The following LRP3 variants were observed in gnomAD, a reference collection of about 807,000 sequenced individuals.
LRP3 encodes the protein LDL receptor related protein 3.
Under a neutral mutation model 58.5 loss-of-function variants are expected in LRP3, and 49 were observed. That is an observed-to-expected ratio of 0.84 (90% CI 0.67 to 1.06). LRP3 has a LOEUF of 1.06. Ranked by LOEUF, LRP3 falls within the 50% of genes least tolerant of loss-of-function variation. The pLI is 0.00. For synonymous variants in LRP3, 485 were observed against 492.2 expected, an observed-to-expected ratio of 0.99 and a Z score of 0.20; for missense variants, 1,019 against 1,134.2, an observed-to-expected ratio of 0.90 and a Z score of 1.46.
At chr19:33,198,171 C>T (rs1974304982) in intron 2 of LRP3, among the ~76,000 whole-genome samples, 1 of 152,194 alleles carries the variant, frequency 6.6e-6, no homozygotes, top group Non-Finnish European at 1.5e-5. Context: ...GGGTGTGTCA[C>T]CCCAAATGTG....
At chr19:33,206,849 C>A in intron 6 of LRP3, 116 bp downstream of exon 6, 2 of 1,284,642 alleles carry the variant, frequency 1.6e-6, no homozygotes. Flanking sequence ...GACCTGAGGG[C>A]CCATGGCCAG....
At chr19:33,203,096 CAT>C (rs1266308073) in intron 3 of LRP3, 110 bp downstream of exon 3, 31 of 1,322,882 alleles carry the variant, frequency 2.3e-5, no homozygotes, top group Non-Finnish European at 3.1e-5. Context: ...TGAGGGTGTA[CAT>C]GTGTGTGAGC....
At position 33,205,167 on chromosome 19, in the gene LRP3, G is replaced by A. The variant is rs760604412; in HGVS notation, c.476-79G>A. 1.8e-4 allele frequency: 274 copies of A among 1,482,356 alleles called. 1 individual carries two copies. The highest frequency in any genetic ancestry group is 2.4e-4 in the Non-Finnish European group (264 of 1,090,468). 91.8% of individuals were successfully genotyped at this position (1,482,356 alleles called of 1,614,324 possible). A position where few individuals can be genotyped will look rare whatever the true frequency, so the allele number is the denominator to read the frequency against. ...CACAGTGATGGGGAACCACCTGCCC[G>A]CTTTTGGCCCCAGGCCCCCTGGCCG... is the stretch of plus-strand genomic sequence containing the variant. On this transcript the variant is annotated intron_variant, in intron 4 of 6. Transcript: ENST00000253193.
In LRP3 at chr19:33,205,308, C is replaced by T; in HGVS notation, c.538C>T (p.Pro180Ser). Residue 180 changes from proline to serine, a missense_variant, in exon 5 of 7, where the codon CCC becomes TCC. By Grantham distance (74) the Pro-to-Ser change is moderately conservative. Transcript: ENST00000253193. ...CCGCTGTGACAACGGCAAGTGCCTG[C>T]CCGGCCCGTGGCAGTGCAACACGGT... ...EFRCDNGKCLPGPWQCNTVDE... is the reference protein window; with the variant it reads ...EFRCDNGKCLSGPWQCNTVDE... The T allele has an allele frequency of 6.2e-7, 1 of 1,611,778 alleles. No individual in the cohort carries two copies. Among genetic ancestry groups the T allele is most frequent in the Non-Finnish European group, 8.5e-7 (1 of 1,179,472 alleles).
chr19:33,199,850 A>G (rs892265623), intron 2 of LRP3, among the ~76,000 whole-genome samples: 38 of 152,176 alleles, frequency 2.5e-4, no homozygotes, highest in African/African-American at 9.2e-4. Flanking sequence ...GAAGAGAGAA[A>G]GGTGGCAGGT....
rs113839017 is a variant in LRP3, at chr19:33,205,691, C to T, written c.921C>T (p.Tyr307=). 9,257 of 1,606,964 alleles carry T rather than the reference C, an allele frequency of 5.8e-3. 39 individuals carry two copies. Among genetic ancestry groups the T allele is most frequent in the Middle Eastern group, 0.025 (150 of 6,048 alleles). ...QLELRLGYDD[Y]VQVYEGLGER... ...AACTGCGGCTGGGCTATGACGACTA[C>T]GTGCAGGTATACGAGGGCCTGGGCG... Residue 307 remains tyrosine (Y), a synonymous_variant, in exon 5 of 7, where the codon TAC becomes TAT. Coordinates refer to ENST00000253193, the MANE Select transcript of LRP3 (RefSeq NM_002333.4).
chr19:33,205,529 G>A lies in LRP3; in HGVS notation c.759G>A (p.Ala253=), dbSNP rs1334997844. 2.5e-5 allele frequency: 39 copies of A among 1,570,564 alleles called. No homozygotes were observed. The highest frequency in any genetic ancestry group is 3.4e-4 in the Middle Eastern group (2 of 5,948). Residue 253 remains alanine, a synonymous_variant, in exon 5 of 7, where the codon GCG becomes GCA. Coordinates refer to ENST00000253193, the MANE Select transcript of LRP3 (RefSeq NM_002333.4). The part of the protein sequence containing the change: ...GSDEAGCPDL[A]CGRRLGSFYG... ...ATGAGGCGGGCTGCCCCGACCTGGC[G>A]TGCGGCCGGCGGCTGGGCAGCTTCT...
Position 33,205,729 on chromosome 19 carries a change from G to A in LRP3, c.959G>A (p.Arg320His), listed in dbSNP as rs774930417. ...GAGGGCCTGGGCGAGCGCGGGGACC[G>A]CCTGCTGCAGACGCTGTCCTACCGC... The part of the protein sequence containing the change: ...VYEGLGERGD[R>H]LLQTLSYRSN... The change falls in exon 5 of 7, where the codon CGC (arginine) becomes CAC (histidine). Residue 320 changes from arginine (R) to histidine (H), a missense_variant. Arg to His is a conservative substitution (Grantham distance 29, BLOSUM62 0). Transcript: ENST00000253193. 1.1e-5 allele frequency: 18 copies of A among 1,597,838 alleles called. No individual in the cohort carries two copies. The African/African-American group carries it at 1.2e-4, about 11-fold the overall frequency.
rs1835619275 is a variant in LRP3 at position 33,206,604 on chromosome 19, C to G, written c.1596C>G (p.Ala532=). The change falls in exon 6 of 7, where the codon GCC becomes GCG. Residue 532 remains alanine, a synonymous_variant. Coordinates refer to ENST00000253193, the MANE Select transcript of LRP3 (RefSeq NM_002333.4). ...GCCCTCCGCCCACTGCTTCTAGGGC[C>G]TTCGAGACCCAGATGACGCGCCTGG... The part of the protein sequence containing the change: ...LYSLRTQEYR[A]FETQMTRLEA... The G allele has an allele frequency of 6.2e-7, 1 of 1,608,228 alleles. No homozygotes were observed. The highest frequency in any genetic ancestry group is 8.5e-7 in the Non-Finnish European group (1 of 1,176,932).
Position 33,205,970 on chromosome 19 carries a change from C to T in LRP3, c.1200C>T (p.Gly400=). 1 of 1,581,896 alleles carries T rather than the reference C, an allele frequency of 6.3e-7. No homozygotes were observed. The highest frequency in any genetic ancestry group is 1.8e-5 in the Admixed American group (1 of 55,374). The stretch of plus-strand genomic sequence containing the variant: ...TCTCAGAGCCACAGCGCTGTGATGG[C>T]TGGTGGCATTGTGCCAGCGGCCGAG... ...GCFSEPQRCD[G]WWHCASGRDE... Residue 400 remains glycine, a synonymous_variant, in exon 5 of 7, where the codon GGC becomes GGT. Coordinates refer to ENST00000253193, the MANE Select transcript of LRP3 (RefSeq NM_002333.4).
At position 33,207,836 on chromosome 19, in the gene LRP3, A is replaced by C. The variant is rs1223936073; in HGVS notation, c.*261A>C. 2 of 519,256 alleles carry C rather than the reference A, an allele frequency of 3.9e-6. No homozygotes were observed. The highest frequency in any genetic ancestry group is 2.6e-5 in the South Asian group (1 of 38,824). 32.2% of individuals were successfully genotyped at this position (519,256 alleles called of 1,614,324 possible). A position where few individuals can be genotyped will look rare whatever the true frequency, so the allele number is the denominator to read the frequency against. On this transcript the variant is annotated 3_prime_UTR_variant, in exon 7 of 7. Coordinates refer to ENST00000253193, the MANE Select transcript of LRP3 (RefSeq NM_002333.4). ...CCTGGGGTCTCACTTCTCTCCCCCC[A>C]CTCCATTCTGGGAACCCATTTCCAG...
intron 1 of LRP3, among the ~76,000 whole-genome samples, chr19:33,195,553 G>A (rs1391950441): frequency 6.6e-6 from 1 of 152,230 alleles, no homozygotes; most frequent in African/African-American, 2.4e-5. Flanking sequence ...TGTGATGAAG[G>A]AGGGAGGCCA....
At chr19:33,196,892 T>C in intron 2 of LRP3, 115 bp downstream of exon 2, 2 of 950,228 alleles carry the variant, frequency 2.1e-6, no homozygotes, top group Non-Finnish European at 3.4e-6. Context: ...GTGCATCTTT[T>C]CTACATCACA....
In LRP3 at chr19:33,208,468, G is replaced by A. The variant is rs1337653486; in HGVS notation, c.*893G>A. On this transcript the variant is annotated 3_prime_UTR_variant, in exon 7 of 7. Transcript: ENST00000253193. The surrounding 1 kb of genome is among the most constrained non-coding windows in gnomAD (Gnocchi z 4.7). The stretch of plus-strand genomic sequence containing the variant: ...CGGACTGAGCTGCTACCCCATCCTC[G>A]ACATCCCTTTAGGGCAGGGGGACTC... 2 of 260,760 alleles carry A rather than the reference G, an allele frequency of 7.7e-6. No individual in the cohort carries two copies. The highest frequency in any genetic ancestry group is 4.2e-5 in the South Asian group (1 of 23,978). 16.2% of individuals were successfully genotyped at this position (260,760 alleles called of 1,614,324 possible). A position where few individuals can be genotyped will look rare whatever the true frequency, so the allele number is the denominator to read the frequency against.
At position 33,208,742 on chromosome 19, in the gene LRP3, CATTTTAGGGCTTCCTTAA is replaced by C; in HGVS notation, c.*1169_*1186del. The C allele has an allele frequency of 1.0e-6, 1 of 978,034 alleles. No individual in the cohort carries two copies. Among genetic ancestry groups the C allele is most frequent in the Non-Finnish European group, 1.5e-6 (1 of 675,846 alleles). The allele number at this position is 978,034 out of a possible 1,614,324, so 60.6% of individuals were successfully genotyped here. A position where few individuals can be genotyped will look rare whatever the true frequency, so the allele number is the denominator to read the frequency against. On this transcript the variant is annotated 3_prime_UTR_variant, in exon 7 of 7. Transcript: ENST00000253193. This position sits in a 1 kb window ranked among gnomAD's most constrained non-coding sequence, Gnocchi z 4.7. ...GTGCTAAGACAGGAAACCCAGTCCA[CATTTTAGGGCTTCCTTAA>C]ACAGGCTTCTGAGAGTCGTATCTTT... is the stretch of plus-strand genomic sequence containing the variant.
At position 33,208,780 on chromosome 19, in the gene LRP3, A is replaced by G; in HGVS notation, c.*1205A>G. On this transcript the variant is annotated 3_prime_UTR_variant, in exon 7 of 7. Coordinates refer to ENST00000253193, the MANE Select transcript of LRP3 (RefSeq NM_002333.4). This position sits in a 1 kb window ranked among gnomAD's most constrained non-coding sequence, Gnocchi z 4.7. Reference sequence around the variant, plus strand: ...CCTTAAACAGGCTTCTGAGAGTCGTATCTTTTTTCTTTTTTTTCCAGAAAA... The same window carrying G: ...CCTTAAACAGGCTTCTGAGAGTCGTGTCTTTTTTCTTTTTTTTCCAGAAAA... 6.9e-7 allele frequency: 1 copy of G among 1,447,804 alleles called. No individual in the cohort carries two copies. The highest frequency in any genetic ancestry group is 9.5e-7 in the Non-Finnish European group (1 of 1,047,714). The allele number at this position is 1,447,804 out of a possible 1,614,324, so 89.7% of individuals were successfully genotyped here.
rs569251888 is a variant in LRP3, at chr19:33,207,160, C to T, written c.1898C>T (p.Thr633Ile). 7.8e-6 allele frequency: 12 copies of T among 1,537,338 alleles called. No homozygotes were observed. The African/African-American group carries it at 1.5e-4, about 19-fold the overall frequency. Residue 633 changes from threonine to isoleucine, a missense_variant, in exon 7 of 7, where the codon ACC becomes ATC. Transcript: ENST00000253193. ...PLLTAARPSQ[T>I]VLGDGFLQPA... ...CTGACCGCAGCACGCCCCTCACAGA[C>T]CGTGCTGGGCGATGGCTTCCTCCAG... is the stretch of plus-strand genomic sequence containing the variant.
At chr19:33,199,909 G>A (rs1307703457) in intron 2 of LRP3, among the ~76,000 whole-genome samples, 1 of 152,216 alleles carries the variant, frequency 6.6e-6, no homozygotes, top group African/African-American at 2.4e-5. Context: ...TGGCCCCCAA[G>A]GGCCCCAAGG....
intron 1 of LRP3, among the ~76,000 whole-genome samples, chr19:33,196,002 C>T (rs1410794819): frequency 6.7e-6 from 1 of 149,144 alleles, no homozygotes; most frequent in South Asian, 2.1e-4. Context: ...TTTCCCCCCA[C>T]CCCCCGACTC....
Sources: gnomAD v4.1 joint callset for allele counts (sites outside exome capture counted in the v4.1 genomes callset) on GRCh38, gnomAD v4.1.1 for gene constraint, Gnocchi (gnomAD v3.1) non-coding constraint, MANE v1.5 for transcripts, NCBI Gene and HGNC (gene_info 2026-07-23, HGNC 2026-07-21) for gene names.